Variants in GPD1L observed in about 807,000 individuals in gnomAD.
GPD1L encodes the protein glycerol-3-phosphate dehydrogenase 1 like, also known as glycerol-3-phosphate dehydrogenase 1-like protein.
A neutral mutation model predicts 32.9 loss-of-function variants in GPD1L; 17 were observed. The ratio of observed to expected loss-of-function variants is 0.52; its 90% CI spans 0.35 to 0.78. GPD1L has a LOEUF of 0.78. Among genes scored for constraint, GPD1L ranks in the 30% least tolerant of loss-of-function variants. The pLI, the probability that GPD1L is intolerant of heterozygous loss-of-function variation, is 0.01. For synonymous variants in GPD1L, 187 were observed against 165.9 expected (o/e 1.13, Z -0.98); for missense variants, 361 against 447.8 (o/e 0.81, Z 1.75).
intron 5 of GPD1L, among the ~76,000 whole-genome samples, chr3:32,148,213 C>T (rs1260047863): frequency 6.6e-6 from 1 of 152,150 alleles, no homozygotes; most frequent in East Asian, 1.9e-4. Context: ...TTTTGGTGGT[C>T]ATGGAGAAGC....
intron 1 of GPD1L, among the ~76,000 whole-genome samples, chr3:32,118,575 GTTTTT>G (rs1700363295): frequency 1.3e-5 from 2 of 151,960 alleles, no homozygotes. Context: ...AAGTGTGTAT[GTTTTT>G]TTAATTGTGA....
intron 1 of GPD1L, among the ~76,000 whole-genome samples, chr3:32,126,878 G>A (rs1363618018): frequency 1.3e-5 from 2 of 152,016 alleles, no homozygotes; most frequent in Admixed American, 1.3e-4. Context: ...CTGGGACTCA[G>A]GATTTTTAAA....
chr3:32,137,091 A>G (rs1474461640), intron 2 of GPD1L, among the ~76,000 whole-genome samples: 1 of 151,872 alleles, frequency 6.6e-6, no homozygotes, highest in Non-Finnish European at 1.5e-5. Context: ...CTCCATCACA[A>G]CCCCCAAACT....
At chr3:32,127,931 G>C (rs572925927) in intron 1 of GPD1L, 145 bp from the exon 2 acceptor site, 8 of 683,408 alleles carry the variant, frequency 1.2e-5, no homozygotes, top group Admixed American at 2.2e-5. Flanking sequence ...GTTTCAAATG[G>C]CTTGGGGCTG....
chr3:32,109,034 A>G (rs1471573124), intron 1 of GPD1L, among the ~76,000 whole-genome samples: 1 of 152,126 alleles, frequency 6.6e-6, no homozygotes, highest in Non-Finnish European at 1.5e-5. Flanking sequence ...TATTCTTAGT[A>G]GAGACGGGGT....
In GPD1L at chr3:32,123,318, G is replaced by A. The variant is rs192772516; in HGVS notation, c.48-4758G>A. 3.3e-3 allele frequency among the ~76,000 whole-genome samples: 510 copies of A among 152,326 alleles called. 1 individual carries two copies. The highest frequency in any genetic ancestry group is 5.3e-3 in the Non-Finnish European group (363 of 68,032). On this transcript the variant is annotated intron_variant, in intron 1 of 7. Coordinates refer to ENST00000282541, the MANE Select transcript of GPD1L (RefSeq NM_015141.4). ...AGACAGTGTTATAAAATTCTTGCCA[G>A]ATATTACTACCTGCCAAGGCTCAGA...
chr3:32,149,810 G>A (rs958598212), intron 5 of GPD1L, among the ~76,000 whole-genome samples: 8 of 152,096 alleles, frequency 5.3e-5, no homozygotes, highest in African/African-American at 1.2e-4. Context: ...TTAGCTGGGC[G>A]TGGTGGTGTG....
intron 2 of GPD1L, among the ~76,000 whole-genome samples, chr3:32,134,229 A>T (rs916265994): frequency 2.0e-5 from 3 of 152,234 alleles, no homozygotes; most frequent in Non-Finnish European, 4.4e-5. Flanking sequence ...TCATTAGCTG[A>T]TAAGAACTTG....
chr3:32,130,781 G>T (rs1044026046), intron 2 of GPD1L, among the ~76,000 whole-genome samples: 16 of 152,150 alleles, frequency 1.1e-4, no homozygotes, highest in Admixed American at 1.0e-3. Context: ...GGGAGGCTGA[G>T]GGGGGCGGAT....
chr3:32,113,321 CT>C (rs1267846068), intron 1 of GPD1L, among the ~76,000 whole-genome samples: 2 of 151,960 alleles, frequency 1.3e-5, no homozygotes, highest in Non-Finnish European at 2.9e-5. Flanking sequence ...TCACCTCTAA[CT>C]TTTACCTGTT....
chr3:32,131,881 A>G (rs1055610339), intron 2 of GPD1L, among the ~76,000 whole-genome samples: 1 of 152,162 alleles, frequency 6.6e-6, no homozygotes, highest in Non-Finnish European at 1.5e-5. Context: ...CAGTTTCTTC[A>G]CATTCTCACC....
At position 32,106,879 on chromosome 3, in the gene GPD1L, G is replaced by T. The variant is rs112562374; in HGVS notation, c.47+121G>T. On this transcript the variant is annotated intron_variant, in intron 1 of 7. Transcript: ENST00000282541. The surrounding 1 kb of genome is among the most constrained non-coding windows in gnomAD (Gnocchi z 4.0). The stretch of plus-strand genomic sequence containing the variant: ...CGGGCACTGCGCGCAGGGAGGCGGG[G>T]TGGGCGACCTCGTTGCTGGGCTGGG... 1,657 of 925,206 alleles carry T rather than the reference G, an allele frequency of 1.8e-3. 3 individuals are homozygous for T. The highest frequency in any genetic ancestry group is 2.2e-3 in the Non-Finnish European group (1,478 of 680,730). The allele number at this position is 925,206 out of a possible 1,614,324, so 57.3% of individuals were successfully genotyped here.
intron 7 of GPD1L, among the ~76,000 whole-genome samples, chr3:32,160,016 T>G (rs1346497420): frequency 6.6e-6 from 1 of 152,232 alleles, no homozygotes; most frequent in African/African-American, 2.4e-5. Context: ...CTTTTTTGTT[T>G]TTATTAAAAA....
intron 2 of GPD1L, among the ~76,000 whole-genome samples, 154 bp downstream of exon 2, chr3:32,128,407 A>G (rs1364773941): frequency 6.6e-6 from 1 of 152,180 alleles, no homozygotes; most frequent in Non-Finnish European, 1.5e-5. Flanking sequence ...CCTGACTCTG[A>G]AAATGGGTTT....
At chr3:32,125,225 C>G (rs1700489082) in intron 1 of GPD1L, among the ~76,000 whole-genome samples, 1 of 152,194 alleles carries the variant, frequency 6.6e-6, no homozygotes, top group Admixed American at 6.5e-5. Flanking sequence ...GCCAACAATT[C>G]ACTTGGAGTG....
At chr3:32,111,620 G>A (rs1700247453) in intron 1 of GPD1L, among the ~76,000 whole-genome samples, 1 of 152,140 alleles carries the variant, frequency 6.6e-6, no homozygotes, top group South Asian at 2.1e-4. Context: ...GGGGTAGAGA[G>A]GCAGAGGATA....
intron 5 of GPD1L, among the ~76,000 whole-genome samples, chr3:32,150,165 C>A (rs528731429): frequency 6.6e-6 from 1 of 152,070 alleles, no homozygotes; most frequent in Non-Finnish European, 1.5e-5. Context: ...TATATGCCAT[C>A]GTTTGCATTT....
At chr3:32,155,030 A>G (rs1700967907) in intron 5 of GPD1L, among the ~76,000 whole-genome samples, 1 of 152,068 alleles carries the variant, frequency 6.6e-6, no homozygotes, top group African/African-American at 2.4e-5. Context: ...ATTATGCCCA[A>G]CCTAAGCTAC....
intron 5 of GPD1L, chr3:32,158,564 A>C: frequency 2.0e-6 from 1 of 505,094 alleles, no homozygotes; most frequent in Non-Finnish European, 3.6e-6. Context: ...CAAAACAAAA[A>C]GTAAAGTAGT....
Sources: gnomAD v4.1 joint callset for allele counts (sites outside exome capture counted in the v4.1 genomes callset) on GRCh38, gnomAD v4.1.1 for gene constraint, Gnocchi (gnomAD v3.1) non-coding constraint, MANE v1.5 for transcripts, NCBI Gene and HGNC (gene_info 2026-07-23, HGNC 2026-07-21) for gene names.